The following ADGRL3 variants were observed in gnomAD, a reference collection of about 807,000 sequenced individuals.
ADGRL3 encodes calcium-independent alpha-latrotoxin receptor 3.
Under a neutral mutation model 153.5 loss-of-function variants are expected in ADGRL3, and 62 were observed. The ratio of observed to expected loss-of-function variants is 0.40; its 90% CI spans 0.33 to 0.50. The LOEUF (loss-of-function observed/expected upper bound fraction) is 0.50, where lower values mean the gene tolerates loss of function less well. Ranked by LOEUF, ADGRL3 falls within the 20% of genes least tolerant of loss-of-function variation. The probability of loss-of-function intolerance (pLI) is 0.47; values close to 1 mark genes in which losing one functional copy is unlikely to be tolerated. For missense variants in ADGRL3, 1,641 were observed against 1,859.4 expected, an observed-to-expected ratio of 0.88 and a Z score of 2.16; for synonymous variants, 710 against 672.5, an observed-to-expected ratio of 1.06 and a Z score of -0.86.
intron 5 of ADGRL3, among the ~76,000 whole-genome samples, chr4:61,646,276 C>T (rs927799314): frequency 6.6e-6 from 1 of 152,190 alleles, no homozygotes; most frequent in African/African-American, 2.4e-5. Flanking sequence ...AAGCCTTCTT[C>T]TCTCAGCTCG....
intron 2 of ADGRL3, among the ~76,000 whole-genome samples, chr4:61,465,272 T>C (rs190918264): frequency 3.4e-4 from 52 of 152,250 alleles, no homozygotes; most frequent in African/African-American, 1.2e-3. Flanking sequence ...TACCATTTCA[T>C]TTATTATTAA....
rs1735374327 is a variant in ADGRL3, at chr4:61,202,768, G to C, written c.-240+1003G>C. 6.6e-6 allele frequency among the ~76,000 whole-genome samples: 1 copy of C among 152,176 alleles called. No homozygotes were observed. The highest frequency in any genetic ancestry group is 1.5e-5 in the Non-Finnish European group (1 of 68,020). On this transcript the variant is annotated intron_variant, in intron 1 of 26. Coordinates refer to ENST00000683033, the MANE Select transcript of ADGRL3 (RefSeq NM_001387552.1). This position sits in a 1 kb window ranked among gnomAD's most constrained non-coding sequence, Gnocchi z 5.0. ...TGGGTGTGTGTGTGTCTGTGCGTGT[G>C]TGTGTGGTGTGTAGGGGTGGGGGCG...
intron 8 of ADGRL3, among the ~76,000 whole-genome samples, chr4:61,768,334 G>T (rs987875762): frequency 6.6e-6 from 1 of 151,970 alleles, no homozygotes; most frequent in Non-Finnish European, 1.5e-5. Context: ...AGCTTGGCCT[G>T]TCGAGGAGGG....
intron 1 of ADGRL3, among the ~76,000 whole-genome samples, chr4:61,361,725 T>C (rs1040082521): frequency 2.5e-4 from 38 of 152,096 alleles, no homozygotes; most frequent in African/African-American, 9.2e-4. Flanking sequence ...CAATAAACAG[T>C]AAGACTTGAA....
chr4:61,744,167 C>G (rs1471692834), intron 8 of ADGRL3, among the ~76,000 whole-genome samples: 1 of 152,128 alleles, frequency 6.6e-6, no homozygotes, highest in African/African-American at 2.4e-5. Context: ...GGGAGGGGCA[C>G]CCACCATTGC....
chr4:61,370,735 G>A (rs2096505479), intron 1 of ADGRL3, among the ~76,000 whole-genome samples: 1 of 151,790 alleles, frequency 6.6e-6, no homozygotes, highest in South Asian at 2.1e-4. Flanking sequence ...TTCTGTAGAT[G>A]TCTATTAGGT....
At chr4:61,915,805 A>G (rs1428079020) in intron 13 of ADGRL3, among the ~76,000 whole-genome samples, 1 of 152,006 alleles carries the variant, frequency 6.6e-6, no homozygotes, top group Non-Finnish European at 1.5e-5. Context: ...TCCTATTTCT[A>G]TTTTCAGAGT....
At chr4:61,645,538 C>T (rs981568030) in intron 5 of ADGRL3, among the ~76,000 whole-genome samples, 64 of 152,060 alleles carry the variant, frequency 4.2e-4, no homozygotes, top group South Asian at 3.5e-3. Flanking sequence ...TTCTCCTTCA[C>T]TTATGAAGCT....
intron 8 of ADGRL3, among the ~76,000 whole-genome samples, chr4:61,754,605 T>A (rs2096797609): frequency 6.7e-6 from 1 of 149,276 alleles, no homozygotes; most frequent in African/African-American, 2.6e-5. Context: ...AAGATCTGAG[T>A]GTATATATAT....
intron 4 of ADGRL3, among the ~76,000 whole-genome samples, chr4:61,554,588 T>G (rs1579501632): frequency 1.3e-5 from 2 of 152,266 alleles, no homozygotes; most frequent in South Asian, 4.1e-4. Flanking sequence ...TGTGTGCATG[T>G]GTATGTGACA....
At chr4:61,546,419 A>G (rs760938063) in intron 4 of ADGRL3, among the ~76,000 whole-genome samples, 1 of 152,226 alleles carries the variant, frequency 6.6e-6, no homozygotes, top group Non-Finnish European at 1.5e-5. Flanking sequence ...CAAATATTGT[A>G]TAATCTTACA....
chr4:61,737,159 T>TCAA (rs1245582247), intron 8 of ADGRL3, among the ~76,000 whole-genome samples: 1 of 152,110 alleles, frequency 6.6e-6, no homozygotes, highest in African/African-American at 2.4e-5. Flanking sequence ...ACAGAAACCC[T>TCAA]CAACTTATTA....
intron 1 of ADGRL3, among the ~76,000 whole-genome samples, chr4:61,230,577 G>A (rs1439277898): frequency 6.6e-6 from 1 of 151,930 alleles, no homozygotes; most frequent in Non-Finnish European, 1.5e-5. Flanking sequence ...GTAGAGATGA[G>A]GTGTCACTAT....
chr4:61,552,906 G>T (rs913187106), intron 4 of ADGRL3, among the ~76,000 whole-genome samples: 2 of 152,010 alleles, frequency 1.3e-5, no homozygotes, highest in Non-Finnish European at 1.5e-5. Context: ...AGCTTTCTTT[G>T]TATTGGTCTA....
intron 17 of ADGRL3, among the ~76,000 whole-genome samples, chr4:61,953,130 A>T (rs1177846898): frequency 1.3e-5 from 2 of 152,188 alleles, no homozygotes; most frequent in Non-Finnish European, 1.5e-5. Context: ...AACCAAACTT[A>T]CCTTAGACTG....
chr4:61,546,198 C>T (rs1265061512), intron 4 of ADGRL3, among the ~76,000 whole-genome samples: 1 of 152,182 alleles, frequency 6.6e-6, no homozygotes, highest in Non-Finnish European at 1.5e-5. Flanking sequence ...AACTCTCTGA[C>T]GGCTTAACTT....
chr4:61,445,539 G>C (rs1326268484), intron 2 of ADGRL3, among the ~76,000 whole-genome samples: 1 of 152,222 alleles, frequency 6.6e-6, no homozygotes, highest in East Asian at 1.9e-4. Flanking sequence ...TTAGAGATAA[G>C]TGGGTAATGG....
rs146521853 is a variant in ADGRL3, at chr4:62,071,205, T to C, written c.*297T>C. 2.6e-3 allele frequency: 710 copies of C among 269,412 alleles called. 9 individuals are homozygous for C. Among genetic ancestry groups the C allele is most frequent in the African/African-American group, 0.014 (649 of 45,660 alleles). 16.7% of individuals were successfully genotyped at this position (269,412 alleles called of 1,614,324 possible). ...GAAAATGGCACTCATTGTGGCCTTG[T>C]TGAATTATGTTGTGTATGTTTTAAC... On this transcript the variant is annotated 3_prime_UTR_variant, in exon 27 of 27. Transcript: ENST00000683033.
At chr4:61,214,929 C>A (rs963185813) in intron 1 of ADGRL3, among the ~76,000 whole-genome samples, 2 of 151,758 alleles carry the variant, frequency 1.3e-5, no homozygotes, top group African/African-American at 4.8e-5. Flanking sequence ...CAGAGTGAGA[C>A]CTTGACTATT....
Sources: allele counts gnomAD v4.1 joint callset (sites outside exome capture counted in the v4.1 genomes callset), GRCh38; gene constraint gnomAD v4.1.1; non-coding constraint Gnocchi (gnomAD v3.1); transcripts MANE v1.5; gene names NCBI Gene and HGNC (gene_info 2026-07-23, HGNC 2026-07-21).